EIF3I: variants seen among roughly 807,000 people sequenced by gnomAD.
EIF3I encodes the protein eukaryotic translation initiation factor 3 subunit I.
EIF3I carries 20 observed loss-of-function variants against 43.3 expected under a neutral mutation model. That is an observed-to-expected ratio of 0.46 (90% CI 0.32 to 0.67). EIF3I has a LOEUF of 0.67. Among genes scored for constraint, EIF3I ranks in the 30% least tolerant of loss-of-function variants. The pLI is 0.03. For missense variants in EIF3I, 279 were observed against 421.4 expected (o/e 0.66, Z 2.96); for synonymous variants, 167 against 151.7 (o/e 1.10, Z -0.74).
At chr1:32,229,438 C>T (rs949098361) in intron 9 of EIF3I, among the ~76,000 whole-genome samples, 1 of 151,768 alleles carries the variant, frequency 6.6e-6, no homozygotes, top group Non-Finnish European at 1.5e-5. Context: ...TTAGTAGAGA[C>T]GGGGTTTCAC....
chr1:32,231,124 C>T (rs142210722), exon 12 of EIF3I: 19 of 1,613,958 alleles, frequency 1.2e-5, no homozygotes, highest in African/African-American at 2.7e-5. Flanking sequence ...GCTACAGCAG[C>T]GGCGGCGAAG....
downstream of EIF3I, among the ~76,000 whole-genome samples, chr1:32,235,608 C>T (rs929185094): frequency 2.0e-5 from 3 of 152,240 alleles, no homozygotes; most frequent in East Asian, 1.9e-4. Context: ...CATGAGCCAC[C>T]GCGCCCAGCC....
exon 8 of EIF3I, chr1:32,228,767 G>A (rs775798746): frequency 3.1e-6 from 5 of 1,613,928 alleles, no homozygotes; most frequent in East Asian, 4.5e-5. Context: ...AAGACTTTCC[G>A]GACAGAACGT....
intron 3 of EIF3I, 135 bp downstream of exon 3, chr1:32,224,256 A>G (rs589034): frequency 0.37 from 404,279 of 1,097,438 alleles, 86,963 homozygotes; most frequent in African/African-American, 0.81. Flanking sequence ...CTCTTCACTG[A>G]CTGAGGAAAC....
At chr1:32,222,904 C>T (rs1352105028) in intron 2 of EIF3I, among the ~76,000 whole-genome samples, 1 of 152,052 alleles carries the variant, frequency 6.6e-6, no homozygotes, top group African/African-American at 2.4e-5. Flanking sequence ...GGAGACCAGC[C>T]TGAGCAACGT....
downstream of EIF3I, among the ~76,000 whole-genome samples, chr1:32,232,590 A>T (rs999788433): frequency 1.3e-5 from 2 of 152,234 alleles, no homozygotes; most frequent in African/African-American, 4.8e-5. Flanking sequence ...GTCTGGACCC[A>T]GGAGCTTTTG....
chr1:32,231,251 T>G (rs1639231258), exon 12 of EIF3I: 27 of 1,548,640 alleles, frequency 1.7e-5, no homozygotes, highest in Non-Finnish European at 2.2e-5. Flanking sequence ...CCACCACTTT[T>G]TTTTTAAGGC....
intron 6 of EIF3I, 38 bp from the exon 7 acceptor site, chr1:32,228,461 A>G (rs1639183643): frequency 6.4e-7 from 1 of 1,552,918 alleles, no homozygotes; most frequent in Non-Finnish European, 8.9e-7. Context: ...ATTAGTAGGG[A>G]TTGGGCCCAT....
chr1:32,224,875 C>G (rs1021702044), intron 4 of EIF3I, among the ~76,000 whole-genome samples: 2 of 151,960 alleles, frequency 1.3e-5, no homozygotes, highest in African/African-American at 4.8e-5. Context: ...GCTGTGTCAC[C>G]CAGGCTGGAG....
At chr1:32,232,359 A>G (rs186061176), downstream of EIF3I, among the ~76,000 whole-genome samples, 3 of 152,378 alleles carry the variant, frequency 2.0e-5, no homozygotes, top group East Asian at 3.9e-4. Context: ...CTAGAATAAA[A>G]GGGGAACAAG....
chr1:32,229,077 A>G (rs1465318323), intron 8 of EIF3I, 58 bp from the exon 9 acceptor site: 15 of 1,565,528 alleles, frequency 9.6e-6, no homozygotes, highest in Non-Finnish European at 1.3e-5. Context: ...GGCAGCAGAA[A>G]AACACAAAAT....
exon 6 of EIF3I, chr1:32,226,409 A>G (rs1321968177): frequency 1.9e-6 from 3 of 1,607,002 alleles, no homozygotes; most frequent in Non-Finnish European, 1.7e-6. Flanking sequence ...ACAGACAACA[A>G]TGAGCCCTAC....
At chr1:32,223,840 C>T (rs1413479493) in intron 2 of EIF3I, among the ~76,000 whole-genome samples, 194 bp from the exon 3 acceptor site, 1 of 152,196 alleles carries the variant, frequency 6.6e-6, no homozygotes, top group East Asian at 1.9e-4. Context: ...CCGCCTGACT[C>T]CTCTGTTGCT....
exon 12 of EIF3I, chr1:32,231,144 T>C: frequency 1.2e-6 from 2 of 1,614,104 alleles, no homozygotes; most frequent in Non-Finnish European, 8.5e-7. Flanking sequence ...GATGGTTACG[T>C]CCGTATCCAT....
intron 2 of EIF3I, among the ~76,000 whole-genome samples, chr1:32,223,386 C>T (rs936561200): frequency 2.0e-5 from 3 of 152,160 alleles, no homozygotes; most frequent in Middle Eastern, 3.2e-3. Flanking sequence ...CAGGTTCAAG[C>T]GATTCTCCTG....
intron 9 of EIF3I, among the ~76,000 whole-genome samples, chr1:32,230,113 C>T (rs1639213106): frequency 6.6e-6 from 1 of 152,080 alleles, no homozygotes; most frequent in Admixed American, 6.6e-5. Context: ...CCTCGAACTC[C>T]TGGGCTCAAG....
In EIF3I at chr1:32,225,706, A is replaced by G. The variant is rs1022427131; in HGVS notation, c.251-465A>G. ...ATCACACCATCGCACAGCAGCCTGCAGGACAAGAGCGAAACTCCATCTCAA... is the reference window on the plus strand; with the variant it reads ...ATCACACCATCGCACAGCAGCCTGCGGGACAAGAGCGAAACTCCATCTCAA... On this transcript the variant is annotated intron_variant, in intron 4 of 11. Coordinates refer to ENST00000676679, the Ensembl canonical transcript of EIF3I. Among the ~76,000 whole-genome samples, 3 of 148,804 alleles carry G rather than the reference A, an allele frequency of 2.0e-5. No individual in the cohort carries two copies. In the East Asian group the frequency reaches 6.1e-4, roughly 30 times the overall value.
At chr1:32,226,354 A>G in intron 5 of EIF3I, 34 bp downstream of exon 5, 1 of 1,613,886 alleles carries the variant, frequency 6.2e-7, no homozygotes, top group Middle Eastern at 1.7e-4. Flanking sequence ...GGTTGAGGTA[A>G]AGGGTACAGT....
At chr1:32,222,468 T>C (rs771822055) in intron 1 of EIF3I, 24 bp downstream of exon 1, 5 of 1,609,968 alleles carry the variant, frequency 3.1e-6, no homozygotes, top group Non-Finnish European at 4.2e-6. Flanking sequence ...TTAGGGGTAT[T>C]GCAGTGGGGG....
Sources: allele counts gnomAD v4.1 joint callset (sites outside exome capture counted in the v4.1 genomes callset), GRCh38; gene constraint gnomAD v4.1.1; transcripts MANE v1.5; gene names NCBI Gene and HGNC (gene_info 2026-07-23, HGNC 2026-07-21).